The following CYRIA variants were observed in gnomAD, a reference collection of about 807,000 sequenced individuals.
CYRIA encodes the protein CYFIP related Rac1 interactor A.
In CYRIA, 15 loss-of-function variants were observed where a neutral mutation model predicts 43.9. That is an observed-to-expected ratio of 0.34 (90% CI 0.23 to 0.53). The LOEUF is 0.53. Among genes scored for constraint, CYRIA ranks in the 20% least tolerant of loss-of-function variants. The probability of loss-of-function intolerance (pLI) is 0.94; values close to 1 mark genes in which losing one functional copy is unlikely to be tolerated. For synonymous variants in CYRIA, 117 were observed against 136.0 expected, an observed-to-expected ratio of 0.86 and a Z score of 0.97; for missense variants, 236 against 394.2, an observed-to-expected ratio of 0.60 and a Z score of 3.40.
intron 1 of CYRIA, among the ~76,000 whole-genome samples, chr2:16,633,487 C>A (rs1407335966): frequency 6.7e-6 from 1 of 149,404 alleles, no homozygotes; most frequent in Non-Finnish European, 1.5e-5. Context: ...GATCTTGGCT[C>A]ACTGCAATGT....
At chr2:16,647,798 C>T (rs574156695) in intron 1 of CYRIA, among the ~76,000 whole-genome samples, 58 of 152,328 alleles carry the variant, frequency 3.8e-4, no homozygotes, top group South Asian at 3.3e-3. Flanking sequence ...TCAAACACTT[C>T]TTCCAGGTGT....
rs186002298 is a variant in CYRIA, at chr2:16,554,701, A to G, written c.908+368T>C. ...TCAAGTGCAGCCAGGTTTGGGAACC[A>G]CTGGTAAAGTGGAAAGTGAGAGCCT... On this transcript the variant is annotated intron_variant, in intron 11 of 11. Transcript: ENST00000381323. 6.3e-3 allele frequency among the ~76,000 whole-genome samples: 958 copies of G among 152,258 alleles called. 22 individuals are homozygous for G. The highest frequency in any genetic ancestry group is 0.061 in the South Asian group (296 of 4,826).
At chr2:16,652,292 C>T (rs547488098) in intron 1 of CYRIA, among the ~76,000 whole-genome samples, 2 of 152,178 alleles carry the variant, frequency 1.3e-5, no homozygotes, top group Non-Finnish European at 2.9e-5. Context: ...CCCACCTGCT[C>T]TAAGTTGCTA....
rs187856636 is a variant in CYRIA, at chr2:16,604,937, T to C, written c.-10-16808A>G. Among the ~76,000 whole-genome samples, 15 of 152,180 alleles carry C rather than the reference T, an allele frequency of 9.9e-5. No homozygotes were observed. In the East Asian group the frequency reaches 2.9e-3, roughly 29 times the overall value. ...TCTATTAAGCACTTTCATCTGACAATAAAAATGAGTTAATGGCTAAAGTGT... is the reference window on the plus strand; with the variant it reads ...TCTATTAAGCACTTTCATCTGACAACAAAAATGAGTTAATGGCTAAAGTGT... On this transcript the variant is annotated intron_variant, in intron 2 of 11. Transcript: ENST00000381323.
At chr2:16,589,267 A>G (rs1312665068) in intron 2 of CYRIA, among the ~76,000 whole-genome samples, 2 of 152,132 alleles carry the variant, frequency 1.3e-5, no homozygotes, top group Non-Finnish European at 2.9e-5. Context: ...AGTTTCCAAC[A>G]ATATTTATGT....
intron 9 of CYRIA, among the ~76,000 whole-genome samples, chr2:16,559,899 C>T (rs1344444645): frequency 1.3e-5 from 2 of 152,122 alleles, no homozygotes; most frequent in Admixed American, 6.5e-5. Context: ...TAGCAGGTCC[C>T]TCTGGCTGTC....
At chr2:16,628,070 A>T (rs988368105) in intron 1 of CYRIA, among the ~76,000 whole-genome samples, 3 of 152,202 alleles carry the variant, frequency 2.0e-5, no homozygotes, top group African/African-American at 7.2e-5. Flanking sequence ...TTTCAGCCTC[A>T]TGATGCCTGG....
intron 2 of CYRIA, among the ~76,000 whole-genome samples, chr2:16,618,972 G>A (rs1668904738): frequency 6.6e-6 from 1 of 152,164 alleles, no homozygotes; most frequent in African/African-American, 2.4e-5. Context: ...TACACAGCAT[G>A]AACAGTGAAA....
chr2:16,602,269 A>C (rs1200882469), intron 2 of CYRIA, among the ~76,000 whole-genome samples: 1 of 152,176 alleles, frequency 6.6e-6, no homozygotes, highest in Non-Finnish European at 1.5e-5. Flanking sequence ...CAGAATCTAT[A>C]ATCTTTAGCC....
intron 9 of CYRIA, 33 bp from the exon 10 acceptor site, chr2:16,559,619 C>G (rs1195705263): frequency 6.2e-7 from 1 of 1,605,282 alleles, no homozygotes; most frequent in Non-Finnish European, 8.5e-7. Context: ...GGCGTCACTT[C>G]CTTGTCAGAA....
At chr2:16,617,694 G>C (rs1668852138) in intron 2 of CYRIA, among the ~76,000 whole-genome samples, 1 of 152,226 alleles carries the variant, frequency 6.6e-6, no homozygotes, top group Non-Finnish European at 1.5e-5. Flanking sequence ...AGAGGTGAGA[G>C]GTAATTTATC....
chr2:16,659,686 C>T (rs1025225487), intron 1 of CYRIA, among the ~76,000 whole-genome samples: 10 of 152,150 alleles, frequency 6.6e-5, no homozygotes, highest in Non-Finnish European at 1.0e-4. Context: ...GTTGCCAATG[C>T]GAATGAGAGA....
chr2:16,626,911 CT>C (rs1349031164), intron 1 of CYRIA, among the ~76,000 whole-genome samples: 4 of 152,206 alleles, frequency 2.6e-5, no homozygotes, highest in Non-Finnish European at 5.9e-5. Flanking sequence ...CAGTGAAATG[CT>C]TTTCCATATC....
At chr2:16,633,543 CT>C (rs755223919) in intron 1 of CYRIA, among the ~76,000 whole-genome samples, 133 of 92,328 alleles carry the variant, frequency 1.4e-3, no homozygotes, top group Non-Finnish European at 2.1e-3. Context: ...CTATCCCTGG[CT>C]TTTTTTTTTT....
chr2:16,603,861 T>C (rs1668288821), intron 2 of CYRIA, among the ~76,000 whole-genome samples: 1 of 152,238 alleles, frequency 6.6e-6, no homozygotes, highest in African/African-American at 2.4e-5. Context: ...GCCTACGTCA[T>C]GAGCCTTTCA....
chr2:16,626,249 T>C (rs1163551628), intron 1 of CYRIA, among the ~76,000 whole-genome samples: 1 of 152,136 alleles, frequency 6.6e-6, no homozygotes, highest in Non-Finnish European at 1.5e-5. Flanking sequence ...AGCCATCACA[T>C]ACTGGTTCCC....
chr2:16,639,717 T>C (rs1013075965), intron 1 of CYRIA, among the ~76,000 whole-genome samples: 2 of 152,188 alleles, frequency 1.3e-5, no homozygotes, highest in Non-Finnish European at 2.9e-5. Context: ...AGCGTGTCTG[T>C]AAAATTTAAA....
At chr2:16,655,808 C>G (rs1670096047) in intron 1 of CYRIA, among the ~76,000 whole-genome samples, 1 of 151,804 alleles carries the variant, frequency 6.6e-6, no homozygotes, top group Admixed American at 6.6e-5. Context: ...GTTTTTCTTT[C>G]ACTTATTTTT....
intron 1 of CYRIA, among the ~76,000 whole-genome samples, chr2:16,637,056 T>A (rs983887669): frequency 3.9e-5 from 6 of 152,180 alleles, no homozygotes; most frequent in Non-Finnish European, 7.3e-5. Context: ...GTTTGGCCCC[T>A]TTCATCACTC....
Sources: gnomAD v4.1 joint callset for allele counts (sites outside exome capture counted in the v4.1 genomes callset) on GRCh38, gnomAD v4.1.1 for gene constraint, MANE v1.5 for transcripts, NCBI Gene and HGNC (gene_info 2026-07-23, HGNC 2026-07-21) for gene names.